Variants in RBM41 observed in about 807,000 individuals in gnomAD.
RBM41 encodes the protein RNA-binding protein 41.
RBM41 carries 14 observed loss-of-function variants against 30.8 expected under a neutral mutation model. That is an observed-to-expected ratio of 0.45 (90% CI 0.30 to 0.71). The LOEUF (loss-of-function observed/expected upper bound fraction) is 0.71, where lower values mean the gene tolerates loss of function less well. RBM41 is among the 30% of genes least tolerant of loss of function. RBM41 has a pLI of 0.08. For missense variants in RBM41, 276 were observed against 326.3 expected (o/e 0.85, Z 1.19); for synonymous variants, 120 against 110.1 (o/e 1.09, Z -0.56).
At chrX:107,094,125 T>A (rs1922778316) in intron 5 of RBM41, among the ~76,000 whole-genome samples, 2 of 111,689 alleles carry the variant, frequency 1.8e-5, no homozygotes, top group Admixed American at 1.9e-4. Flanking sequence ...ATTGGTAAAT[T>A]CTATCAAATA....
At chrX:107,074,552 C>A (rs1303352197) in intron 6 of RBM41, among the ~76,000 whole-genome samples, 3 of 111,759 alleles carry the variant, frequency 2.7e-5, no homozygotes, top group Non-Finnish European at 5.7e-5. Flanking sequence ...AACTAATTAA[C>A]AAATTCAGTG....
chrX:107,055,880 G>A, the RBM41 span, among the ~76,000 whole-genome samples: 3 of 112,118 alleles, frequency 2.7e-5, no homozygotes, highest in African/African-American at 9.7e-5. Flanking sequence ...AGAACACAAA[G>A]ATTTATCCCT....
intron 5 of RBM41, among the ~76,000 whole-genome samples, chrX:107,096,539 G>A (rs1209553364): frequency 1.8e-5 from 2 of 111,555 alleles, no homozygotes; most frequent in Non-Finnish European, 3.8e-5. Flanking sequence ...TGGAACAACT[G>A]GACATCCATA....
the RBM41 span, among the ~76,000 whole-genome samples, chrX:107,056,272 C>T: frequency 1.8e-5 from 2 of 111,664 alleles, no homozygotes; most frequent in African/African-American, 3.3e-5. Flanking sequence ...GCTTTTAATA[C>T]GCTGTTCAGT....
chrX:107,085,013 T>C (rs1219306341), intron 6 of RBM41, among the ~76,000 whole-genome samples: 1 of 111,273 alleles, frequency 9.0e-6, no homozygotes, highest in Non-Finnish European at 1.9e-5. Flanking sequence ...TTTATAAACA[T>C]ACCATGTTTT....
rs1432421102 is a variant in RBM41, at chrX:107,061,918, A to T, written c.*5609T>A. Among the ~76,000 whole-genome samples the T allele has an allele frequency of 8.9e-6, 1 of 112,513 alleles. No homozygotes were observed. Among genetic ancestry groups the T allele is most frequent in the Non-Finnish European group, 1.9e-5 (1 of 53,332 alleles). On this transcript the variant is annotated 3_prime_UTR_variant, in exon 8 of 8. Coordinates refer to ENST00000685964, the MANE Select transcript of RBM41 (RefSeq NM_001324242.2). ...TCCTCCATAAAAATAACATTTATTTAAAAAAATTACACACAGTAAAATTCA... is the reference window on the plus strand; with the variant it reads ...TCCTCCATAAAAATAACATTTATTTTAAAAAATTACACACAGTAAAATTCA...
the RBM41 span, among the ~76,000 whole-genome samples, chrX:107,055,953 A>T: frequency 2.7e-5 from 3 of 112,248 alleles, no homozygotes; most frequent in African/African-American, 9.7e-5. Flanking sequence ...AACTAACATC[A>T]TACACAATGG....
intron 6 of RBM41, among the ~76,000 whole-genome samples, chrX:107,081,877 T>C (rs1033717587): frequency 8.9e-6 from 1 of 112,058 alleles, no homozygotes; most frequent in African/African-American, 3.2e-5. Flanking sequence ...GCTATACTAA[T>C]CTACTAGTCC....
At chrX:107,118,609 TCTCCCCTCCTC>T (rs1323584841) in intron 1 of RBM41, among the ~76,000 whole-genome samples, 146 bp downstream of exon 1, 1 of 111,242 alleles carries the variant, frequency 9.0e-6, no homozygotes, top group East Asian at 2.9e-4. Flanking sequence ...GTTCAGCCCG[TCTCCCCTCCTC>T]CCGTCTCCTT....
intron 5 of RBM41, among the ~76,000 whole-genome samples, chrX:107,107,312 G>A (rs1924091719): frequency 9.0e-6 from 1 of 111,657 alleles, no homozygotes; most frequent in Non-Finnish European, 1.9e-5. Context: ...ACAAGGGTGA[G>A]GATACAGAAG....
intron 6 of RBM41, among the ~76,000 whole-genome samples, chrX:107,075,570 G>T (rs1289373266): frequency 9.0e-6 from 1 of 111,654 alleles, no homozygotes; most frequent in African/African-American, 3.3e-5. Context: ...TAAAATATGG[G>T]CAAAAGACTT....
chrX:107,080,613 A>T (rs943656880), intron 6 of RBM41, among the ~76,000 whole-genome samples: 4 of 111,380 alleles, frequency 3.6e-5, no homozygotes, highest in Non-Finnish European at 7.5e-5. Context: ...AAACAAAACA[A>T]AACAAAACTG....
chrX:107,070,315 T>C (rs1936007380), intron 6 of RBM41: 1 of 330,050 alleles, frequency 3.0e-6, no homozygotes, highest in Non-Finnish European at 5.9e-6. Flanking sequence ...ACTAAGAGAA[T>C]ACTAAATGTT....
Position 107,116,751 on chromosome X carries a change from C to G in RBM41, c.24G>C (p.Val8=). The G allele has an allele frequency of 8.3e-7, 1 of 1,210,228 alleles. No individual in the cohort carries two copies. The highest frequency in any genetic ancestry group is 2.7e-4 in the Middle Eastern group (1 of 3,769). ...CCTCCAGGACATGCTCATCACTCTT[C>G]ACACAGCTGTTTACCCTGGAGTAGA... MKRVNSC[V]KSDEHVLEEL... is the part of the protein sequence containing the mutation. Residue 8 remains valine, a synonymous_variant, in exon 2 of 8, where the codon GTG becomes GTC. Transcript: ENST00000685964.
At chrX:107,071,436 A>C (rs1936062161) in intron 6 of RBM41, among the ~76,000 whole-genome samples, 2 of 111,558 alleles carry the variant, frequency 1.8e-5, no homozygotes, top group African/African-American at 6.5e-5. Context: ...CCCTGAGACC[A>C]ACCTAGACAA....
At chrX:107,083,560 T>C (rs1000374245) in intron 6 of RBM41, among the ~76,000 whole-genome samples, 2 of 111,553 alleles carry the variant, frequency 1.8e-5, no homozygotes, top group African/African-American at 6.5e-5. Context: ...AATCGTCCCA[T>C]AGTTCTTGGA....
intron 7 of RBM41, 83 bp from the exon 8 acceptor site, chrX:107,067,776 T>C (rs1470227526): frequency 2.3e-5 from 24 of 1,049,899 alleles, no homozygotes; most frequent in Non-Finnish European, 2.6e-5. Flanking sequence ...TTATTTTGCC[T>C]TGGAGTTAAA....
rs762492087 is a variant in RBM41 at position 107,089,387 on chromosome X, C to A, written c.596-548G>T. ...ACAAATGAATTTGATTAATCATTTT[C>A]TGATGGTGTTGTTTAACTTGTTCCT... On this transcript the variant is annotated intron_variant, in intron 5 of 7. Coordinates refer to ENST00000685964, the MANE Select transcript of RBM41 (RefSeq NM_001324242.2). Among the ~76,000 whole-genome samples the A allele has an allele frequency of 1.3e-4, 14 of 111,804 alleles. No individual in the cohort carries two copies. The South Asian group carries it at 5.3e-3, about 42-fold the overall frequency.
At chrX:107,102,863 C>T (rs1923583355) in intron 5 of RBM41, among the ~76,000 whole-genome samples, 1 of 111,204 alleles carries the variant, frequency 9.0e-6, no homozygotes, top group African/African-American at 3.3e-5. Flanking sequence ...CCCTTTATTC[C>T]CTCATTTTTG....
Sources: gnomAD v4.1 joint callset for allele counts (sites outside exome capture counted in the v4.1 genomes callset) on GRCh38, gnomAD v4.1.1 for gene constraint, MANE v1.5 for transcripts, NCBI Gene and HGNC (gene_info 2026-07-23, HGNC 2026-07-21) for gene names.